PAPPA: variants seen among roughly 807,000 people sequenced by gnomAD.
PAPPA encodes pappalysin-1.
PAPPA carries 60 observed loss-of-function variants against 164.0 expected under a neutral mutation model. The observed-to-expected ratio is 0.37, with a 90% CI of 0.30 to 0.45. The LOEUF (loss-of-function observed/expected upper bound fraction) is 0.45. PAPPA is among the 20% of genes least tolerant of loss of function. The pLI, the probability that PAPPA is intolerant of heterozygous loss-of-function variation, is 1.00. For synonymous variants in PAPPA, 875 were observed against 814.1 expected (o/e 1.07, Z -1.27); for missense variants, 1,782 against 2,087.3 (o/e 0.85, Z 2.85).
chr9:116,322,250 A>C (rs1356036184), intron 10 of PAPPA, among the ~76,000 whole-genome samples: 2 of 151,978 alleles, frequency 1.3e-5, no homozygotes, highest in African/African-American at 2.4e-5. Flanking sequence ...TCTCTACTAA[A>C]AATACAAAAA....
At chr9:116,295,291 C>T (rs1335563700) in intron 9 of PAPPA, among the ~76,000 whole-genome samples, 1 of 152,134 alleles carries the variant, frequency 6.6e-6, no homozygotes, top group Non-Finnish European at 1.5e-5. Flanking sequence ...GTGGCTCACA[C>T]CTGTAATCCC....
At chr9:116,345,240 C>T (rs1846192054) in intron 14 of PAPPA, among the ~76,000 whole-genome samples, 1 of 152,072 alleles carries the variant, frequency 6.6e-6, no homozygotes, top group Non-Finnish European at 1.5e-5. Context: ...TTAATGATGA[C>T]CCCACTGTGT....
In PAPPA at chr9:116,167,043, C is replaced by T. The variant is rs186173108; in HGVS notation, c.415+12456C>T. ...ATTTCAAAAAGATTGGCTAAGAAAT[C>T]TCAGATATGCAAAGTATATTTTATT... On this transcript the variant is annotated intron_variant, in intron 1 of 21. Coordinates refer to ENST00000328252, the MANE Select transcript of PAPPA (RefSeq NM_002581.5). 3.3e-5 allele frequency among the ~76,000 whole-genome samples: 5 copies of T among 152,306 alleles called. No individual in the cohort carries two copies. The East Asian group carries it at 9.6e-4, about 29-fold the overall frequency.
At chr9:116,379,972 C>T (rs1315502239) in intron 20 of PAPPA, among the ~76,000 whole-genome samples, 1 of 152,130 alleles carries the variant, frequency 6.6e-6, no homozygotes, top group African/African-American at 2.4e-5. Context: ...TCTTCTCCAC[C>T]CCCACCTAAT....
chr9:116,229,071 G>T (rs1371899914), intron 6 of PAPPA, among the ~76,000 whole-genome samples: 1 of 152,266 alleles, frequency 6.6e-6, no homozygotes, highest in East Asian at 1.9e-4. Flanking sequence ...CATTCAATGT[G>T]AACAGGCTTA....
chr9:116,388,751 T>A (rs559716263), intron 21 of PAPPA, among the ~76,000 whole-genome samples: 2 of 152,316 alleles, frequency 1.3e-5, no homozygotes, highest in South Asian at 4.1e-4. Context: ...TAGTTAAGAC[T>A]GAGACCTACA....
rs147372339 is a variant in PAPPA, at chr9:116,325,053, G to A, written c.3148-6191G>A. On this transcript the variant is annotated intron_variant, in intron 10 of 21. Coordinates refer to ENST00000328252, the MANE Select transcript of PAPPA (RefSeq NM_002581.5). The stretch of plus-strand genomic sequence containing the variant: ...GCATTTTTATGAATGAATGTGGTGG[G>A]ACCAGAAGCAAAAAGACTGGTCGTT... Among the ~76,000 whole-genome samples, 125 of 152,238 alleles carry A rather than the reference G, an allele frequency of 8.2e-4. 1 individual carries two copies. The highest frequency in any genetic ancestry group is 2.7e-3 in the African/African-American group (114 of 41,544).
intron 1 of PAPPA, among the ~76,000 whole-genome samples, chr9:116,171,114 A>G (rs948527989): frequency 6.6e-6 from 1 of 152,172 alleles, no homozygotes; most frequent in Non-Finnish European, 1.5e-5. Flanking sequence ...GTTAGCAGGT[A>G]CTGGAAAAAC....
intron 1 of PAPPA, among the ~76,000 whole-genome samples, chr9:116,181,799 A>T (rs1587941225): frequency 6.6e-6 from 1 of 152,378 alleles, no homozygotes; most frequent in East Asian, 1.9e-4. Context: ...TGCCTGGACA[A>T]ACTTTGGGTT....
intron 10 of PAPPA, among the ~76,000 whole-genome samples, chr9:116,303,239 G>T (rs1451357439): frequency 6.6e-6 from 1 of 152,158 alleles, no homozygotes; most frequent in Admixed American, 6.5e-5. Context: ...GTATTTCAAT[G>T]AGGTAAGAAT....
In PAPPA at chr9:116,400,093, T is replaced by C. The variant is rs1248397409; in HGVS notation, c.*3477T>C. 3 of 152,546 alleles carry C rather than the reference T, an allele frequency of 2.0e-5. No individual in the cohort carries two copies. Among genetic ancestry groups the C allele is most frequent in the East Asian group, 3.8e-4 (2 of 5,196 alleles). 9.4% of individuals were successfully genotyped at this position (152,546 alleles called of 1,614,324 possible). On this transcript the variant is annotated 3_prime_UTR_variant, in exon 22 of 22. Coordinates refer to ENST00000328252, the MANE Select transcript of PAPPA (RefSeq NM_002581.5). ...TCAAGTTAACAGTTTTGAGGTTTTGTGTTTTTTTCTGGAACTACTTCAAGT... is the reference window on the plus strand; with the variant it reads ...TCAAGTTAACAGTTTTGAGGTTTTGCGTTTTTTTCTGGAACTACTTCAAGT...
chr9:116,214,170 A>G (rs187606773), intron 4 of PAPPA, among the ~76,000 whole-genome samples: 3 of 152,326 alleles, frequency 2.0e-5, no homozygotes, highest in African/African-American at 7.2e-5. Flanking sequence ...AACGATTGAA[A>G]TACAACTAGT....
intron 8 of PAPPA, among the ~76,000 whole-genome samples, chr9:116,267,037 A>G (rs943113273): frequency 3.3e-5 from 5 of 152,224 alleles, no homozygotes; most frequent in Non-Finnish European, 5.9e-5. Flanking sequence ...ATGGAATTGC[A>G]ATTACTATTT....
chr9:116,178,437 T>C (rs1843862750), intron 1 of PAPPA, among the ~76,000 whole-genome samples: 1 of 152,200 alleles, frequency 6.6e-6, no homozygotes, highest in Admixed American at 6.5e-5. Context: ...ACACACATTT[T>C]TAAAAAGTGT....
At chr9:116,276,530 T>A (rs1355479426) in intron 9 of PAPPA, among the ~76,000 whole-genome samples, 1 of 151,312 alleles carries the variant, frequency 6.6e-6, no homozygotes, top group East Asian at 1.9e-4. Context: ...GGACTGAGAC[T>A]CTAAAGCTTC....
At chr9:116,192,555 G>A (rs72752157) in intron 2 of PAPPA, among the ~76,000 whole-genome samples, 39,528 of 152,050 alleles carry the variant, frequency 0.26, 6,194 homozygotes, top group Non-Finnish European at 0.35. Context: ...CCCTCCCAGA[G>A]CTTACCACCT....
chr9:116,295,953 T>C (rs1269690935), intron 9 of PAPPA, among the ~76,000 whole-genome samples: 2 of 152,230 alleles, frequency 1.3e-5, no homozygotes, highest in Non-Finnish European at 2.9e-5. Context: ...TCTCCAGTTC[T>C]CATCTACTGA....
At chr9:116,331,790 G>T (rs952981399) in intron 11 of PAPPA, among the ~76,000 whole-genome samples, 5 of 152,112 alleles carry the variant, frequency 3.3e-5, no homozygotes, top group Admixed American at 6.5e-5. Flanking sequence ...GGATATTACT[G>T]CATTTTGGCT....
At chr9:116,380,159 G>T (rs773807237) in intron 20 of PAPPA, among the ~76,000 whole-genome samples, 1 of 152,174 alleles carries the variant, frequency 6.6e-6, no homozygotes, top group Non-Finnish European at 1.5e-5. Flanking sequence ...ATTAAAGTCT[G>T]TCTCTTCACC....
Sources: allele counts gnomAD v4.1 joint callset (sites outside exome capture counted in the v4.1 genomes callset), GRCh38; gene constraint gnomAD v4.1.1; transcripts MANE v1.5; gene names NCBI Gene and HGNC (gene_info 2026-07-23, HGNC 2026-07-21).